The following CPNE4 variants were observed in gnomAD, a reference collection of about 807,000 sequenced individuals.
The protein encoded by CPNE4 is copine-4.
CPNE4 carries 25 observed loss-of-function variants against 67.9 expected under a neutral mutation model. The observed-to-expected ratio is 0.37, with a 90% CI of 0.27 to 0.51. The LOEUF (loss-of-function observed/expected upper bound fraction) is 0.51. Among genes scored for constraint, CPNE4 ranks in the 20% least tolerant of loss-of-function variants. The pLI, the probability that CPNE4 is intolerant of heterozygous loss-of-function variation, is 0.93. For missense variants in CPNE4, 464 were observed against 690.8 expected (o/e 0.67, Z 3.68); for synonymous variants, 242 against 244.9 (o/e 0.99, Z 0.11).
chr3:131,694,284 T>C (rs995341570), intron 5 of CPNE4, among the ~76,000 whole-genome samples: 14 of 150,448 alleles, frequency 9.3e-5, no homozygotes, highest in African/African-American at 2.9e-4. Context: ...AACATGTAGA[T>C]AGTTATAAAA....
intron 7 of CPNE4, among the ~76,000 whole-genome samples, chr3:131,627,079 G>A (rs2079092116): frequency 6.6e-6 from 1 of 150,872 alleles, no homozygotes; most frequent in Admixed American, 6.6e-5. Context: ...TGTAATCCCA[G>A]CTACTCAGGA....
At chr3:131,785,997 T>G (rs560084627) in intron 2 of CPNE4, among the ~76,000 whole-genome samples, 4 of 152,284 alleles carry the variant, frequency 2.6e-5, no homozygotes, top group African/African-American at 9.6e-5. Flanking sequence ...TTCTTCATTC[T>G]CTAATCAGGG....
At chr3:131,822,908 G>A (rs951359741) in intron 2 of CPNE4, among the ~76,000 whole-genome samples, 3 of 152,070 alleles carry the variant, frequency 2.0e-5, no homozygotes, top group African/African-American at 7.2e-5. Context: ...TGCGATCTCG[G>A]CTCACCTGCA....
chr3:131,545,895 C>G (rs1343384911), intron 14 of CPNE4, among the ~76,000 whole-genome samples: 2 of 152,134 alleles, frequency 1.3e-5, no homozygotes, highest in Admixed American at 1.3e-4. Flanking sequence ...AACCCTGTCT[C>G]TACTAAAAAT....
chr3:131,915,535 C>T (rs549849709), intron 1 of CPNE4, among the ~76,000 whole-genome samples: 1 of 152,202 alleles, frequency 6.6e-6, no homozygotes, highest in South Asian at 2.1e-4. Context: ...CCACATGAAA[C>T]ACAAAAGGCC....
chr3:131,668,229 A>G (rs4854782), intron 7 of CPNE4, among the ~76,000 whole-genome samples: 136,321 of 152,204 alleles, frequency 0.9, 61,182 homozygotes, highest in East Asian at 0.97. Context: ...AAAGAGCTTG[A>G]GATTAACCAA....
chr3:132,024,533 T>C (rs2074075879), intron 1 of CPNE4, among the ~76,000 whole-genome samples: 1 of 152,202 alleles, frequency 6.6e-6, no homozygotes, highest in African/African-American at 2.4e-5. Flanking sequence ...TGCTGTGTAA[T>C]CACAGCCAAT....
At position 132,004,526 on chromosome 3, in the gene CPNE4, T is replaced by C. The variant is rs140128311; in HGVS notation, c.-2+30041A>G. Among the ~76,000 whole-genome samples the C allele has an allele frequency of 5.0e-3, 756 of 152,238 alleles. 5 individuals carry two copies. Among genetic ancestry groups the C allele is most frequent in the African/African-American group, 0.017 (726 of 41,570 alleles). The stretch of plus-strand genomic sequence containing the variant: ...ATATTCTGCTAAGTTTACTTAGCAT[T>C]GTATTGTGAAGATTTTAACAATCTG... On this transcript the variant is annotated intron_variant, in intron 1 of 15. Transcript: ENST00000429747.
At chr3:131,992,787 G>A (rs2073200517) in intron 1 of CPNE4, among the ~76,000 whole-genome samples, 1 of 135,876 alleles carries the variant, frequency 7.4e-6, no homozygotes, top group South Asian at 2.6e-4. Flanking sequence ...TAATCATGGA[G>A]GCAGTTACTC....
chr3:131,677,663 T>C (rs1476828278), intron 6 of CPNE4, among the ~76,000 whole-genome samples: 1 of 152,200 alleles, frequency 6.6e-6, no homozygotes, highest in East Asian at 1.9e-4. Flanking sequence ...TAGCCAGTTA[T>C]CCCAGCACAA....
At chr3:131,573,309 G>A (rs530734541) in intron 10 of CPNE4, among the ~76,000 whole-genome samples, 1 of 152,046 alleles carries the variant, frequency 6.6e-6, no homozygotes, top group Admixed American at 6.6e-5. Flanking sequence ...ACACTGGAGG[G>A]CATGGGGAGC....
At chr3:131,647,810 G>GGT (rs1406784079) in intron 7 of CPNE4, among the ~76,000 whole-genome samples, 1 of 152,020 alleles carries the variant, frequency 6.6e-6, no homozygotes, top group Non-Finnish European at 1.5e-5. Flanking sequence ...CCTGGTCTCT[G>GGT]GGCAATAACA....
chr3:131,765,760 C>A (rs1478346087), intron 2 of CPNE4, among the ~76,000 whole-genome samples: 3 of 152,042 alleles, frequency 2.0e-5, no homozygotes, highest in African/African-American at 7.2e-5. Context: ...ATCGCTGAAG[C>A]TGAGGCAAAT....
chr3:131,719,790 G>A (rs958022361), intron 3 of CPNE4, among the ~76,000 whole-genome samples: 1 of 152,198 alleles, frequency 6.6e-6, no homozygotes, highest in African/African-American at 2.4e-5. Flanking sequence ...CTGCAAGATG[G>A]CTGTAGTGGT....
intron 1 of CPNE4, among the ~76,000 whole-genome samples, chr3:131,925,123 C>T (rs1169036083): frequency 6.6e-6 from 1 of 150,984 alleles, no homozygotes; most frequent in African/African-American, 2.4e-5. Context: ...AAAAGTCTCT[C>T]TCTCTCTCTG....
intron 2 of CPNE4, among the ~76,000 whole-genome samples, chr3:131,785,671 TTCTCTCTCTCTCTC>T (rs10584037): frequency 2.1e-5 from 3 of 142,856 alleles, no homozygotes; most frequent in Middle Eastern, 3.6e-3. Context: ...CTTTCTCTCT[TTCTCTCTCTCTCTC>T]TCTCTCTCTC....
rs3041573 is a variant in CPNE4 at position 131,911,543 on chromosome 3, T to TTGTGTGTGTG, written c.-1-6109_-1-6100dup. Reference sequence around the variant, plus strand: ...AAACAGATTCAAGAGGCACTCCAAGTTGTGTGTGTGTGTGTGTGTGTGTGT... The same window carrying TTGTGTGTGTG: ...AAACAGATTCAAGAGGCACTCCAAGTTGTGTGTGTGTGTGTGTGTGTGTGTGTGTGTGTGT... On this transcript the variant is annotated intron_variant, in intron 1 of 15. Transcript: ENST00000429747. 4.8e-3 allele frequency among the ~76,000 whole-genome samples: 704 copies of TTGTGTGTGTG among 146,036 alleles called. 9 individuals carry two copies. The highest frequency in any genetic ancestry group is 0.032 in the East Asian group (156 of 4,880).
chr3:131,932,448 C>T (rs532923603), intron 1 of CPNE4, among the ~76,000 whole-genome samples: 4 of 152,108 alleles, frequency 2.6e-5, no homozygotes, highest in South Asian at 2.1e-4. Flanking sequence ...AAGACTGACC[C>T]GGACCCTTAT....
chr3:131,601,804 C>T (rs1939222236), intron 7 of CPNE4, among the ~76,000 whole-genome samples: 1 of 152,130 alleles, frequency 6.6e-6, no homozygotes, highest in African/African-American at 2.4e-5. Flanking sequence ...TCTCAAAGCA[C>T]TTCTCTATAG....
Sources: allele counts gnomAD v4.1 joint callset (sites outside exome capture counted in the v4.1 genomes callset), GRCh38; gene constraint gnomAD v4.1.1; transcripts MANE v1.5; gene names NCBI Gene and HGNC (gene_info 2026-07-23, HGNC 2026-07-21).